Variants in NID2 observed in about 807,000 individuals in gnomAD.
NID2 encodes nidogen-2.
A neutral mutation model predicts 145.4 loss-of-function variants in NID2; 83 were observed. The ratio of observed to expected loss-of-function variants is 0.57; its 90% CI spans 0.48 to 0.69. NID2 has a LOEUF of 0.69. Among genes scored for constraint, NID2 ranks in the 30% least tolerant of loss-of-function variants. The pLI, the probability that NID2 is intolerant of heterozygous loss-of-function variation, is 0.00. For synonymous variants in NID2, 739 were observed against 701.3 expected, an observed-to-expected ratio of 1.05 and a Z score of -0.85; for missense variants, 1,807 against 1,765.7, an observed-to-expected ratio of 1.02 and a Z score of -0.42.
At chr14:52,065,404 T>C (rs1225895898) in intron 2 of NID2, among the ~76,000 whole-genome samples, 4 of 151,140 alleles carry the variant, frequency 2.6e-5, no homozygotes, top group African/African-American at 9.7e-5. Context: ...TGGAAGAAAC[T>C]TCAATGTGGG....
intron 2 of NID2, among the ~76,000 whole-genome samples, chr14:52,064,984 A>C (rs554270912): frequency 6.6e-6 from 1 of 152,160 alleles, no homozygotes; most frequent in Non-Finnish European, 1.5e-5. Context: ...GTCTCCCATC[A>C]ATAAGTATTT....
chr14:52,055,164 T>C (rs1181185347), intron 3 of NID2, among the ~76,000 whole-genome samples: 1 of 152,168 alleles, frequency 6.6e-6, no homozygotes, highest in African/African-American at 2.4e-5. Context: ...GAGGGGAAAA[T>C]AGGCTTTAAA....
intron 11 of NID2, among the ~76,000 whole-genome samples, chr14:52,027,808 C>G (rs541338418): frequency 1.3e-4 from 20 of 151,574 alleles, no homozygotes; most frequent in African/African-American, 4.8e-4. Flanking sequence ...ACTGCAACCT[C>G]CAACTCCCTG....
chr14:52,014,888 A>C (rs1891162704), intron 15 of NID2, among the ~76,000 whole-genome samples, 166 bp downstream of exon 15: 1 of 152,142 alleles, frequency 6.6e-6, no homozygotes, highest in South Asian at 2.1e-4. Context: ...CACCAAACGC[A>C]AATTGGGATC....
chr14:52,042,694 G>A, intron 6 of NID2, 88 bp downstream of exon 6: 1 of 1,312,292 alleles, frequency 7.6e-7, no homozygotes, highest in Non-Finnish European at 1.1e-6. Context: ...GGAGATGTTT[G>A]GTCCATAAAG....
At position 52,051,867 on chromosome 14, in the gene NID2, T is replaced by C. The variant is rs540607270; in HGVS notation, c.1429+1712A>G. The stretch of plus-strand genomic sequence containing the variant: ...GGCAGCTGATAAATATCATAGTTCA[T>C]GCCCCACAAGGGTTATAGCTGTGCC... On this transcript the variant is annotated intron_variant, in intron 5 of 21. Transcript: ENST00000216286. Among the ~76,000 whole-genome samples the C allele has an allele frequency of 1.7e-4, 26 of 152,296 alleles. No homozygotes were observed. In the East Asian group the frequency reaches 1.9e-3, roughly 11 times the overall value.
chr14:52,020,327 T>C, intron 12 of NID2, 149 bp from the exon 13 acceptor site: 1 of 1,332,658 alleles, frequency 7.5e-7, no homozygotes, highest in Non-Finnish European at 1.0e-6. Context: ...AGAAAAATGC[T>C]GACACCTAAA....
chr14:52,054,403 T>C, intron 3 of NID2, 82 bp from the exon 4 acceptor site: 1 of 1,387,958 alleles, frequency 7.2e-7, no homozygotes, highest in East Asian at 2.3e-5. Flanking sequence ...GAACAACTTA[T>C]TTTAAAACGG....
intron 3 of NID2, among the ~76,000 whole-genome samples, chr14:52,059,804 G>T (rs1301294097): frequency 1.3e-5 from 2 of 152,196 alleles, no homozygotes; most frequent in Non-Finnish European, 2.9e-5. Flanking sequence ...ACCTCAAACT[G>T]GGCAGTTTAT....
In NID2 at chr14:52,067,903, T is replaced by C. The variant is rs2140441442; in HGVS notation, c.489A>G (p.Val163=). ...THAFLATWEQ[V]GAYEEVKRGA... is the part of the protein sequence containing the mutation. ...CGCGCTTGACCTCCTCGTAAGCGCC[T>C]ACCTGCTCCCAGGTGGCCAGGAAGG... The change falls in exon 2 of 22, where the codon GTA becomes GTG. Residue 163 remains valine (V), a synonymous_variant. Transcript: ENST00000216286. The C allele has an allele frequency of 1.2e-6, 2 of 1,612,976 alleles. No individual in the cohort carries two copies. The highest frequency in any genetic ancestry group is 1.3e-5 in the African/African-American group (1 of 75,026).
chr14:52,035,878 A>ATTTATATT (rs58318209), intron 9 of NID2, among the ~76,000 whole-genome samples: 1 of 135,204 alleles, frequency 7.4e-6, no homozygotes, highest in African/African-American at 2.8e-5. Context: ...ATATATATAT[A>ATTTATATT]TGTTTTATTT....
At chr14:52,020,326 C>T (rs551918986) in intron 12 of NID2, 148 bp from the exon 13 acceptor site, 2 of 1,328,560 alleles carry the variant, frequency 1.5e-6, no homozygotes, top group Admixed American at 2.8e-5. Context: ...CAGAAAAATG[C>T]TGACACCTAA....
At chr14:52,033,461 G>C (rs180846815) in intron 9 of NID2, among the ~76,000 whole-genome samples, 7 of 151,866 alleles carry the variant, frequency 4.6e-5, no homozygotes, top group African/African-American at 1.7e-4. Context: ...CAAACAACTG[G>C]TGGGGGGTGG....
At chr14:52,021,316 T>C (rs751480480) in intron 12 of NID2, among the ~76,000 whole-genome samples, 47 of 152,062 alleles carry the variant, frequency 3.1e-4, no homozygotes, top group Non-Finnish European at 6.0e-4. Flanking sequence ...TAGAGACACA[T>C]CAGCATGGGA....
At chr14:52,009,038 C>A (rs982553937) in intron 18 of NID2, 1 of 152,124 alleles carries the variant, frequency 6.6e-6, no homozygotes, top group African/African-American at 2.4e-5. Context: ...TTATAAAATA[C>A]TATTTTATAA....
rs1317727647 is a variant in NID2 at position 52,015,150 on chromosome 14, G to A, written c.3154C>T (p.Leu1052=). ...AAGTCGCTCTTTCCGTGGCACTGCA[G>A]GGGGATGAAGTGGCCCAGGTCATCG... ...QCDDLGHFIP[L]QCHGKSDFCW... The change falls in exon 15 of 22, where the codon CTG becomes TTG. Residue 1052 remains leucine (L), a synonymous_variant. Coordinates refer to ENST00000216286, the MANE Select transcript of NID2 (RefSeq NM_007361.4). 1.9e-6 allele frequency: 3 copies of A among 1,614,122 alleles called. No individual in the cohort carries two copies. Among genetic ancestry groups the A allele is most frequent in the Admixed American group, 3.3e-5 (2 of 60,012 alleles).
In NID2 at chr14:52,054,060, A is replaced by C. The variant is rs200159466; in HGVS notation, c.1029T>G (p.Asp343Glu). The C allele has an allele frequency of 6.2e-7, 1 of 1,614,188 alleles. No homozygotes were observed. The highest frequency in any genetic ancestry group is 1.1e-5 in the South Asian group (1 of 91,082). Reference protein sequence around the residue: ...EEALNGHSSIDVSFQSKVDTK... With the variant: ...EEALNGHSSIEVSFQSKVDTK... ...TATCCACTTTGGATTGGAAGGAAAC[A>C]TCAATGCTGCTGTGGCCATTCAATG... Residue 343 changes from aspartate to glutamate, a missense_variant, in exon 4 of 22, where the codon GAT becomes GAG. Coordinates refer to ENST00000216286, the MANE Select transcript of NID2 (RefSeq NM_007361.4).
chr14:52,035,632 C>T (rs973071786), intron 9 of NID2, among the ~76,000 whole-genome samples: 24 of 151,948 alleles, frequency 1.6e-4, no homozygotes, highest in Middle Eastern at 6.8e-3. Context: ...AGCCACTGTA[C>T]CCGATGAGAA....
chr14:52,005,485 C>T lies in NID2; in HGVS notation c.*1G>A. ...CCAAGTCTTCCTTTACATTACTGTA[C>T]TTACTTTCTTCCTGTGAGAGAAGAG... On this transcript the variant is annotated 3_prime_UTR_variant, in exon 22 of 22. Coordinates refer to ENST00000216286, the MANE Select transcript of NID2 (RefSeq NM_007361.4). 1.3e-6 allele frequency: 2 copies of T among 1,597,334 alleles called. No homozygotes were observed. Among genetic ancestry groups the T allele is most frequent in the Non-Finnish European group, 1.7e-6 (2 of 1,173,630 alleles).
Sources: gnomAD v4.1 joint callset for allele counts (sites outside exome capture counted in the v4.1 genomes callset) on GRCh38, gnomAD v4.1.1 for gene constraint, MANE v1.5 for transcripts, NCBI Gene and HGNC (gene_info 2026-07-23, HGNC 2026-07-21) for gene names.